The following IPO11 variants were observed in gnomAD, a reference collection of about 807,000 sequenced individuals.
IPO11 encodes the protein importin-11.
IPO11 carries 66 observed loss-of-function variants against 143.2 expected under a neutral mutation model. The ratio of observed to expected loss-of-function variants is 0.46; its 90% CI spans 0.38 to 0.57. The LOEUF (loss-of-function observed/expected upper bound fraction) is 0.57. IPO11 is among the 20% of genes least tolerant of loss of function. IPO11 has a pLI of 0.00. For missense variants in IPO11, 1,026 were observed against 1,141.0 expected (o/e 0.90, Z 1.45); for synonymous variants, 385 against 377.8 (o/e 1.02, Z -0.22).
intron 16 of IPO11, among the ~76,000 whole-genome samples, chr5:62,499,572 T>TTC (rs1741277671): frequency 1.4e-5 from 2 of 144,510 alleles, no homozygotes; most frequent in African/African-American, 5.1e-5. Context: ...ACTCTAACTT[T>TTC]TTTTTTTTTT....
At chr5:62,509,953 A>AT (rs958364638) in intron 19 of IPO11, among the ~76,000 whole-genome samples, 1 of 151,930 alleles carries the variant, frequency 6.6e-6, no homozygotes, top group Non-Finnish European at 1.5e-5. Flanking sequence ...TCTGGTTTTC[A>AT]TTTTTTTTGG....
At chr5:62,480,068 T>G (rs1746128858) in intron 9 of IPO11, among the ~76,000 whole-genome samples, 1 of 152,212 alleles carries the variant, frequency 6.6e-6, no homozygotes, top group Non-Finnish European at 1.5e-5. Context: ...TTTTTATGGT[T>G]TTAGGTCTAA....
At chr5:62,627,025 T>G in intron 29 of IPO11, 129 bp from the exon 30 acceptor site, 1 of 701,256 alleles carries the variant, frequency 1.4e-6, no homozygotes. Flanking sequence ...TAGTACAGAA[T>G]CTGTGTGAGA....
intron 7 of IPO11, among the ~76,000 whole-genome samples, chr5:62,472,235 GGAA>G (rs1220317870): frequency 6.6e-6 from 1 of 152,012 alleles, no homozygotes; most frequent in Non-Finnish European, 1.5e-5. Flanking sequence ...CAAAGTCTCA[GGAA>G]TTATATGCAA....
At chr5:62,608,179 C>G (rs1402813365) in intron 29 of IPO11, among the ~76,000 whole-genome samples, 1 of 152,190 alleles carries the variant, frequency 6.6e-6, no homozygotes, top group African/African-American at 2.4e-5. Context: ...ATCACAGTCT[C>G]TTCTTCCTTA....
intron 3 of IPO11, among the ~76,000 whole-genome samples, chr5:62,444,959 A>T: frequency 6.6e-6 from 1 of 151,526 alleles, no homozygotes; most frequent in East Asian, 1.9e-4. Context: ...AGGGAAAGTA[A>T]ATTATTAAAT....
At chr5:62,613,298 C>CTTTTTTTTTTTT (rs372608086) in intron 29 of IPO11, among the ~76,000 whole-genome samples, 1 of 69,084 alleles carries the variant, frequency 1.4e-5, no homozygotes, top group Non-Finnish European at 2.6e-5. Context: ...ACATGCTCTT[C>CTTTTTTTTTTTT]TTTTTTTTTT....
chr5:62,543,160 C>T (rs1356555125), intron 24 of IPO11, among the ~76,000 whole-genome samples: 2 of 152,086 alleles, frequency 1.3e-5, no homozygotes, highest in African/African-American at 4.8e-5. Context: ...AGGATCCATG[C>T]GTTTAATCAC....
In IPO11 at chr5:62,474,464, A is replaced by T; in HGVS notation, c.757A>T (p.Ser253Cys). Reference sequence around the variant, plus strand: ...ACGTCTAAAACAGTTTCTGGAATGCAGTAAGTACTTTCGTTGCAGTCCTTT... The same window carrying T: ...ACGTCTAAAACAGTTTCTGGAATGCTGTAAGTACTTTCGTTGCAGTCCTTT... ...FERLKQFLEC[S>C]RSIGTDNVCR... The change falls in exon 8 of 30, where the codon AGT becomes TGT. Residue 253 changes from serine (S) to cysteine (C), a missense_variant and splice_region_variant. Coordinates refer to ENST00000325324, the MANE Select transcript of IPO11 (RefSeq NM_016338.5). 6.3e-7 allele frequency: 1 copy of T among 1,577,670 alleles called. No individual in the cohort carries two copies. The highest frequency in any genetic ancestry group is 8.6e-7 in the Non-Finnish European group (1 of 1,165,602).
intron 5 of IPO11, among the ~76,000 whole-genome samples, chr5:62,456,041 T>G (rs1745138926): frequency 6.6e-6 from 1 of 152,114 alleles, no homozygotes; most frequent in African/African-American, 2.4e-5. Flanking sequence ...TCATTTTCTT[T>G]TTTTTGAGAA....
chr5:62,465,281 A>C (rs1745530270), intron 5 of IPO11, among the ~76,000 whole-genome samples: 1 of 152,222 alleles, frequency 6.6e-6, no homozygotes, highest in Non-Finnish European at 1.5e-5. Context: ...CACAGTAAGT[A>C]CAATAAAATT....
At chr5:62,495,183 C>G (rs923021181) in intron 16 of IPO11, among the ~76,000 whole-genome samples, 2 of 152,162 alleles carry the variant, frequency 1.3e-5, no homozygotes, top group Non-Finnish European at 2.9e-5. Flanking sequence ...TTATTAAATA[C>G]TATAAGCATG....
intron 27 of IPO11, among the ~76,000 whole-genome samples, chr5:62,588,379 G>A (rs535984480): frequency 1.3e-5 from 2 of 152,112 alleles, no homozygotes; most frequent in South Asian, 4.2e-4. Context: ...CTACAGGCGT[G>A]CACCACTGCC....
At chr5:62,472,022 T>C (rs567640190) in intron 7 of IPO11, among the ~76,000 whole-genome samples, 4 of 152,218 alleles carry the variant, frequency 2.6e-5, no homozygotes, top group Non-Finnish European at 5.9e-5. Flanking sequence ...TACATTTCGA[T>C]TGCCATGCTG....
intron 29 of IPO11, among the ~76,000 whole-genome samples, chr5:62,611,143 C>T (rs1745913932): frequency 6.6e-6 from 1 of 152,102 alleles, no homozygotes; most frequent in South Asian, 2.1e-4. Flanking sequence ...CCAAACATAG[C>T]TTTCCTTATA....
At chr5:62,517,884 C>T (rs1022315971) in intron 20 of IPO11, among the ~76,000 whole-genome samples, 3 of 152,080 alleles carry the variant, frequency 2.0e-5, no homozygotes, top group East Asian at 1.9e-4. Context: ...GTATTTGTAC[C>T]GGCCAAGAGT....
intron 29 of IPO11, among the ~76,000 whole-genome samples, chr5:62,616,649 G>A (rs779498291): frequency 5.4e-5 from 8 of 148,392 alleles, no homozygotes; most frequent in Non-Finnish European, 1.2e-4. Flanking sequence ...GAACCTGGGA[G>A]GCAGAGGTTG....
At chr5:62,558,316 A>G (rs1409675898) in intron 26 of IPO11, among the ~76,000 whole-genome samples, 2 of 152,254 alleles carry the variant, frequency 1.3e-5, no homozygotes, top group African/African-American at 4.8e-5. Context: ...ATAATAAGCT[A>G]GTTTAGAACA....
intron 27 of IPO11, chr5:62,581,477 T>C (rs1744562982): frequency 3.4e-6 from 2 of 592,070 alleles, no homozygotes; most frequent in Non-Finnish European, 5.7e-6. Flanking sequence ...TTAGCAAATA[T>C]TTTCTTTGAT....
Sources: allele counts gnomAD v4.1 joint callset (sites outside exome capture counted in the v4.1 genomes callset), GRCh38; gene constraint gnomAD v4.1.1; transcripts MANE v1.5; gene names NCBI Gene and HGNC (gene_info 2026-07-23, HGNC 2026-07-21).